The following IL1RAPL1 variants were observed in gnomAD, a reference collection of about 807,000 sequenced individuals.
IL1RAPL1 encodes interleukin 1 receptor accessory protein like 1, also known as interleukin-1 receptor accessory protein-like 1.
IL1RAPL1 carries 3 observed loss-of-function variants against 48.4 expected under a neutral mutation model. That is an observed-to-expected ratio of 0.06 (90% CI 0.03 to 0.16). The LOEUF is 0.16. Among genes scored for constraint, IL1RAPL1 ranks in the 10% least tolerant of loss-of-function variants. The pLI is 1.00. For missense variants in IL1RAPL1, 349 were observed against 530.6 expected (o/e 0.66, Z 3.36); for synonymous variants, 185 against 187.7 (o/e 0.99, Z 0.12).
At chrX:28,593,629 T>C in intron 1 of IL1RAPL1, among the ~76,000 whole-genome samples, 1 of 111,664 alleles carries the variant, frequency 9.0e-6, no homozygotes, top group East Asian at 2.8e-4. Context: ...TTGGACTTAC[T>C]GAAAAATTGA....
chrX:29,892,108 A>G (rs1390146333), intron 6 of IL1RAPL1, among the ~76,000 whole-genome samples: 1 of 112,310 alleles, frequency 8.9e-6, no homozygotes, highest in East Asian at 2.8e-4. Context: ...GCTCAAATGA[A>G]GTTTTAACAT....
chrX:29,682,604 C>G (rs1926490585), intron 6 of IL1RAPL1, among the ~76,000 whole-genome samples: 1 of 111,985 alleles, frequency 8.9e-6, no homozygotes, highest in Non-Finnish European at 1.9e-5. Flanking sequence ...GTCTATTTCT[C>G]TTGTTGCATT....
chrX:29,668,288 A>G lies in IL1RAPL1; in HGVS notation c.704-142A>G. On this transcript the variant is annotated intron_variant, in intron 5 of 10. Coordinates refer to ENST00000378993, the MANE Select transcript of IL1RAPL1 (RefSeq NM_014271.4). ...CAGCTTGCCTGAAGGTGTTATCTGC[A>G]GTATGTTCATCGTTACTTGGTAGAG... 7.6e-6 allele frequency: 4 copies of G among 523,652 alleles called. No individual in the cohort carries two copies. In the Admixed American group the frequency reaches 1.1e-4, roughly 14 times the overall value. 43.2% of individuals were successfully genotyped at this position (523,652 alleles called of 1,213,427 possible).
chrX:29,261,552 G>A (rs771590887), intron 2 of IL1RAPL1, among the ~76,000 whole-genome samples: 27 of 110,537 alleles, frequency 2.4e-4, no homozygotes, highest in South Asian at 1.2e-3. Flanking sequence ...GCTTTTTGCC[G>A]TTATACGCTA....
intron 5 of IL1RAPL1, among the ~76,000 whole-genome samples, chrX:29,600,241 C>T (rs945785716): frequency 1.8e-5 from 2 of 112,110 alleles, no homozygotes. Flanking sequence ...TCTCCCCCTT[C>T]CCCTAGGAAT....
At chrX:29,190,167 G>A (rs1930324633) in intron 2 of IL1RAPL1, among the ~76,000 whole-genome samples, 1 of 111,796 alleles carries the variant, frequency 8.9e-6, no homozygotes, top group African/African-American at 3.2e-5. Flanking sequence ...AGTACTTAAT[G>A]CAAATTTAAT....
chrX:29,437,557 T>C (rs186862427), intron 5 of IL1RAPL1, among the ~76,000 whole-genome samples: 68 of 110,658 alleles, frequency 6.1e-4, no homozygotes, highest in Middle Eastern at 4.6e-3. Context: ...TGTAGGTTTT[T>C]TATAGATGCT....
intron 5 of IL1RAPL1, among the ~76,000 whole-genome samples, chrX:29,655,536 G>A (rs193241956): frequency 9.2e-6 from 1 of 108,415 alleles, no homozygotes; most frequent in African/African-American, 3.4e-5. Context: ...GGTGGTGGGC[G>A]CCTGTAGTCC....
intron 6 of IL1RAPL1, among the ~76,000 whole-genome samples, chrX:29,724,030 G>C (rs1927712790): frequency 9.0e-6 from 1 of 111,065 alleles, no homozygotes; most frequent in Admixed American, 9.6e-5. Context: ...GGCCAGGCTG[G>C]TCTCGAACTC....
chrX:28,873,942 A>G (rs977301599), intron 2 of IL1RAPL1, among the ~76,000 whole-genome samples: 1 of 105,394 alleles, frequency 9.5e-6, no homozygotes, highest in Non-Finnish European at 1.9e-5. Context: ...TCTTTCAGCC[A>G]CCTTGTTCAG....
chrX:28,965,136 A>G (rs1270375583), intron 2 of IL1RAPL1, among the ~76,000 whole-genome samples: 1 of 111,860 alleles, frequency 8.9e-6, no homozygotes, highest in Non-Finnish European at 1.9e-5. Flanking sequence ...TTTCATCCAT[A>G]CTTAGGAAAT....
rs370282992 is a variant in IL1RAPL1 at position 29,319,160 on chromosome X, G to GTCTGCCTGCCTGTCTATCTATCTA, written c.362+35946_362+35947insGCCTGCCTGTCTATCTATCTATCT. Among the ~76,000 whole-genome samples the GTCTGCCTGCCTGTCTATCTATCTA allele has an allele frequency of 3.5e-5, 3 of 84,988 alleles. No homozygotes were observed. The Admixed American group carries it at 4.4e-4, about 12-fold the overall frequency. 73.8% of individuals were successfully genotyped at this position (84,988 alleles called of 115,157 possible). A position where few individuals can be genotyped will look rare whatever the true frequency, so the allele number is the denominator to read the frequency against. ...ACGTATGATATCTGTCTATCTGTCTGTCTATCTATCTATCTATCTATCTAT... is the reference window on the plus strand; with the variant it reads ...ACGTATGATATCTGTCTATCTGTCTGTCTGCCTGCCTGTCTATCTATCTATCTATCTATCTATCTATCTATCTAT... On this transcript the variant is annotated intron_variant, in intron 3 of 10. Coordinates refer to ENST00000378993, the MANE Select transcript of IL1RAPL1 (RefSeq NM_014271.4).
rs935032255 is a variant in IL1RAPL1 at position 28,812,339 on chromosome X, A to T, written c.82+22914A>T. On this transcript the variant is annotated intron_variant, in intron 2 of 10. Transcript: ENST00000378993. ...TTTGCCAAAGAATCACTCTCTGATA[A>T]ATAATTTTAAAGTGTCAACTCTCTG... 3.6e-5 allele frequency among the ~76,000 whole-genome samples: 4 copies of T among 110,904 alleles called. No individual in the cohort carries two copies. In the East Asian group the frequency reaches 1.1e-3, roughly 31 times the overall value.
chrX:29,152,066 G>T (rs778509245), intron 2 of IL1RAPL1, among the ~76,000 whole-genome samples: 1 of 111,713 alleles, frequency 9.0e-6, no homozygotes, highest in African/African-American at 3.2e-5. Flanking sequence ...GGCTGGGGAG[G>T]CCTCACAATC....
intron 6 of IL1RAPL1, among the ~76,000 whole-genome samples, chrX:29,700,310 G>A (rs1927017732): frequency 8.9e-6 from 1 of 111,798 alleles, no homozygotes; most frequent in African/African-American, 3.2e-5. Context: ...CAGAATCTTG[G>A]CTTCACAGTA....
chrX:29,391,732 GTCTATA>G (rs1419400301), intron 3 of IL1RAPL1, among the ~76,000 whole-genome samples: 17 of 111,748 alleles, frequency 1.5e-4, no homozygotes, highest in African/African-American at 5.5e-4. Context: ...ACAATGGTAT[GTCTATA>G]TCTATATCTA....
chrX:29,736,478 A>C (rs1928049137), intron 6 of IL1RAPL1, among the ~76,000 whole-genome samples: 1 of 112,141 alleles, frequency 8.9e-6, no homozygotes, highest in Non-Finnish European at 1.9e-5. Context: ...GTAATCCCGG[A>C]ACTCTGGGAG....
chrX:29,768,105 C>T (rs957199529), intron 6 of IL1RAPL1, among the ~76,000 whole-genome samples: 10 of 111,861 alleles, frequency 8.9e-5, no homozygotes. Context: ...TAACTCCTTA[C>T]AAATCATACT....
intron 2 of IL1RAPL1, among the ~76,000 whole-genome samples, chrX:29,099,806 C>T (rs973916006): frequency 6.3e-5 from 7 of 111,681 alleles, no homozygotes. Context: ...ATGTTAGACA[C>T]GTTTTCTCCA....
Sources: allele counts gnomAD v4.1 joint callset (sites outside exome capture counted in the v4.1 genomes callset), GRCh38; gene constraint gnomAD v4.1.1; transcripts MANE v1.5; gene names NCBI Gene and HGNC (gene_info 2026-07-23, HGNC 2026-07-21).